WDFY3: variants seen among roughly 807,000 people sequenced by gnomAD.
The protein encoded by WDFY3 is WD repeat and FYVE domain containing 3.
In WDFY3, 66 loss-of-function variants were observed where a neutral mutation model predicts 409.6. That is an observed-to-expected ratio of 0.16 (90% CI 0.13 to 0.20). WDFY3 has a LOEUF of 0.20. Ranked by LOEUF, WDFY3 falls within the 10% of genes least tolerant of loss-of-function variation. The pLI is 1.00. For synonymous variants in WDFY3, 1,521 were observed against 1,537.1 expected, an observed-to-expected ratio of 0.99 and a Z score of 0.25; for missense variants, 3,031 against 4,298.1, an observed-to-expected ratio of 0.71 and a Z score of 8.24.
At position 84,738,991 on chromosome 4, in the gene WDFY3, C is replaced by T. The variant is rs1443218629; in HGVS notation, c.6574+19G>A. The T allele has an allele frequency of 1.9e-6, 3 of 1,610,958 alleles. No individual in the cohort carries two copies. The highest frequency in any genetic ancestry group is 2.5e-6 in the Non-Finnish European group (3 of 1,177,616). Reference sequence around the variant, plus strand: ...TAAAACAACCACAATTTAAAAACATCCCAAGTCAAGGCAATTACCTTCACT... The same window carrying T: ...TAAAACAACCACAATTTAAAAACATTCCAAGTCAAGGCAATTACCTTCACT... On this transcript the variant is annotated intron_variant, in intron 40 of 67. Transcript: ENST00000295888.
At chr4:84,894,145 C>T (rs1046515424) in intron 3 of WDFY3, among the ~76,000 whole-genome samples, 1 of 152,034 alleles carries the variant, frequency 6.6e-6, no homozygotes, top group Admixed American at 6.5e-5. Flanking sequence ...AATAAATGTC[C>T]ATATTCAAAC....
At chr4:84,758,155 A>G (rs769113877) in intron 32 of WDFY3, among the ~76,000 whole-genome samples, 6 of 152,212 alleles carry the variant, frequency 3.9e-5, no homozygotes, top group Non-Finnish European at 7.3e-5. Flanking sequence ...ATGTTTGTCA[A>G]ATTTTCAATG....
At chr4:84,897,338 C>T (rs1227627868) in intron 2 of WDFY3, among the ~76,000 whole-genome samples, 1 of 151,930 alleles carries the variant, frequency 6.6e-6, no homozygotes. Flanking sequence ...CAGCTTGTTG[C>T]TAAATAACGT....
At chr4:84,920,835 A>G (rs1769175414) in intron 2 of WDFY3, among the ~76,000 whole-genome samples, 1 of 152,056 alleles carries the variant, frequency 6.6e-6, no homozygotes, top group Admixed American at 6.6e-5. Context: ...CATTAATATG[A>G]CCTTTTTTTT....
At chr4:84,934,750 C>A (rs1482160688) in intron 1 of WDFY3, among the ~76,000 whole-genome samples, 1 of 152,088 alleles carries the variant, frequency 6.6e-6, no homozygotes, top group African/African-American at 2.4e-5. Context: ...AACTCAAGAA[C>A]CTAAGGGTAA....
intron 36 of WDFY3, chr4:84,751,208 A>G: frequency 4.3e-6 from 2 of 469,632 alleles, no homozygotes; most frequent in Non-Finnish European, 7.8e-6. Flanking sequence ...AGCTTAAAAT[A>G]TTTACTATTT....
At chr4:84,858,812 C>T (rs955598037) in intron 4 of WDFY3, among the ~76,000 whole-genome samples, 5 of 151,044 alleles carry the variant, frequency 3.3e-5, no homozygotes, top group African/African-American at 9.8e-5. Flanking sequence ...AGAAAGGCAT[C>T]GTCAGGGGCA....
At chr4:84,939,952 C>G (rs1019476585) in intron 1 of WDFY3, among the ~76,000 whole-genome samples, 1 of 152,088 alleles carries the variant, frequency 6.6e-6, no homozygotes, top group Non-Finnish European at 1.5e-5. Flanking sequence ...AATACACATA[C>G]AAATTTATGT....
chr4:84,810,424 G>A lies in WDFY3; in HGVS notation c.1888-80C>T, dbSNP rs186178236. The A allele has an allele frequency of 8.3e-5, 96 of 1,161,780 alleles. 1 individual carries two copies. The African/African-American group carries it at 1.3e-3, about 15-fold the overall frequency. 72.0% of individuals were successfully genotyped at this position (1,161,780 alleles called of 1,614,324 possible). A position where few individuals can be genotyped will look rare whatever the true frequency, so the allele number is the denominator to read the frequency against. On this transcript the variant is annotated intron_variant, in intron 13 of 67. Transcript: ENST00000295888. ...AAAAACCACTATGCATGTATATGGA[G>A]GTTGTACATTCTGTGAATCTGACAT...
Position 84,743,707 on chromosome 4 carries a change from C to G in WDFY3, c.6066G>C (p.Val2022=). The change falls in exon 37 of 68, where the codon GTG becomes GTC. Residue 2022 remains valine, a synonymous_variant. Coordinates refer to ENST00000295888, the MANE Select transcript of WDFY3 (RefSeq NM_014991.6). ...SVMDHLLAAD[V]LLGEDASLPI... ...ATAAAAACACAGAATTACCTAATAACACATCAGCTGCAAGCAAATGGTCCA... is the reference window on the plus strand; with the variant it reads ...ATAAAAACACAGAATTACCTAATAAGACATCAGCTGCAAGCAAATGGTCCA... The G allele has an allele frequency of 6.4e-7, 1 of 1,561,274 alleles. No individual in the cohort carries two copies. The highest frequency in any genetic ancestry group is 8.7e-7 in the Non-Finnish European group (1 of 1,149,612).
chr4:84,681,452 GA>G (rs1727335064), intron 64 of WDFY3, among the ~76,000 whole-genome samples: 1 of 152,272 alleles, frequency 6.6e-6, no homozygotes, highest in South Asian at 2.1e-4. Context: ...GCTGTAATTA[GA>G]AATTTACATG....
chr4:84,703,832 A>T (rs1412900536), intron 55 of WDFY3, among the ~76,000 whole-genome samples: 1 of 152,086 alleles, frequency 6.6e-6, no homozygotes, highest in Non-Finnish European at 1.5e-5. Context: ...GAAACACCTT[A>T]CAATTTTCTT....
intron 2 of WDFY3, among the ~76,000 whole-genome samples, chr4:84,924,872 C>G (rs1769765573): frequency 6.6e-6 from 1 of 152,110 alleles, no homozygotes; most frequent in Non-Finnish European, 1.5e-5. Flanking sequence ...AAAGATATAG[C>G]CAAAGTGTAA....
chr4:84,905,172 C>A (rs1217209451), intron 2 of WDFY3, among the ~76,000 whole-genome samples: 1 of 152,024 alleles, frequency 6.6e-6, no homozygotes, highest in East Asian at 1.9e-4. Flanking sequence ...CTTGTTTCTA[C>A]TAAAAATACA....
intron 29 of WDFY3, among the ~76,000 whole-genome samples, chr4:84,774,175 C>A (rs1745165820): frequency 6.6e-6 from 1 of 152,114 alleles, no homozygotes; most frequent in Non-Finnish European, 1.5e-5. Context: ...ACAGTAGTGA[C>A]CAAGTCCAGT....
At chr4:84,812,095 C>G (rs1272649041) in intron 13 of WDFY3, among the ~76,000 whole-genome samples, 1 of 152,130 alleles carries the variant, frequency 6.6e-6, no homozygotes, top group Non-Finnish European at 1.5e-5. Flanking sequence ...TTGACATATA[C>G]TGTTTCAGAA....
chr4:84,868,490 A>G (rs1470481692), intron 3 of WDFY3, among the ~76,000 whole-genome samples: 3 of 152,192 alleles, frequency 2.0e-5, no homozygotes, highest in African/African-American at 7.2e-5. Flanking sequence ...AGTCATTATC[A>G]TATTTTAGCC....
chr4:84,881,232 T>A (rs1763491783), intron 3 of WDFY3, among the ~76,000 whole-genome samples: 1 of 152,174 alleles, frequency 6.6e-6, no homozygotes. Context: ...TTCTCTTCAT[T>A]CACAGACTGC....
Position 84,765,453 on chromosome 4 carries a change from G to A in WDFY3, c.5188+357C>T, listed in dbSNP as rs558409073. Among the ~76,000 whole-genome samples, 8 of 152,220 alleles carry A rather than the reference G, an allele frequency of 5.3e-5. No homozygotes were observed. The South Asian group carries it at 1.7e-3, about 32-fold the overall frequency. On this transcript the variant is annotated intron_variant, in intron 32 of 67. Transcript: ENST00000295888. ...GATGAAATGTTATTGCCTGGCAAGT[G>A]TTTAGGAACTGGCACACAGTAAGTA...
Sources: allele counts gnomAD v4.1 joint callset (sites outside exome capture counted in the v4.1 genomes callset), GRCh38; gene constraint gnomAD v4.1.1; transcripts MANE v1.5; gene names NCBI Gene and HGNC (gene_info 2026-07-23, HGNC 2026-07-21).